Variants in ADAP1 observed in about 807,000 individuals in gnomAD.
ADAP1 encodes ArfGAP with dual PH domains 1.
A neutral mutation model predicts 54.9 loss-of-function variants in ADAP1; 31 were observed. The observed-to-expected ratio is 0.56, with a 90% CI of 0.42 to 0.76. The LOEUF (loss-of-function observed/expected upper bound fraction) is 0.76. Among genes scored for constraint, ADAP1 ranks in the 30% least tolerant of loss-of-function variants. ADAP1 has a pLI of 0.00. For synonymous variants in ADAP1, 313 were observed against 202.6 expected (o/e 1.55, Z -4.63); for missense variants, 535 against 512.4 (o/e 1.04, Z -0.42).
At chr7:905,626 A>AGGAGAAAGGAGAAG (rs1845185682) in intron 4 of ADAP1, 1 of 176,698 alleles carries the variant, frequency 5.7e-6, no homozygotes, top group African/African-American at 2.5e-5. Context: ...AGAAAGGGAA[A>AGGAGAAAGGAGAAG]GGAGAAAGGG....
rs750261057 is a variant in ADAP1, at chr7:899,134, C to T, written c.995G>A (p.Arg332His). ...PHGITIVTPD[R>H]KFLFACETES... ...CGTCTCGCAGGCAAACAGAAACTTG[C>T]GGTCGGGCGTGACGATGGTGATGCC... Residue 332 changes from arginine to histidine, a missense_variant, in exon 10 of 11, where the codon CGC (arginine) becomes CAC (histidine). By Grantham distance (29) the Arg-to-His change is conservative. Coordinates refer to ENST00000265846, the MANE Select transcript of ADAP1 (RefSeq NM_006869.4). 7 of 1,609,896 alleles carry T rather than the reference C, an allele frequency of 4.3e-6. No individual in the cohort carries two copies. The highest frequency in any genetic ancestry group is 1.1e-5 in the South Asian group (1 of 91,096).
chr7:925,129 T>C (rs566451759), intron 3 of ADAP1, among the ~76,000 whole-genome samples: 135 of 152,064 alleles, frequency 8.9e-4, no homozygotes, highest in African/African-American at 3.0e-3. Context: ...AGAAAACGCC[T>C]GCCAAGCACC....
intron 1 of ADAP1, among the ~76,000 whole-genome samples, chr7:947,546 G>C (rs11771403): frequency 1.3e-5 from 2 of 151,924 alleles, no homozygotes; most frequent in South Asian, 4.1e-4. Context: ...CCCCATCTCA[G>C]CGAGTGAGGT....
chr7:910,309 G>A (rs944905869), intron 4 of ADAP1, among the ~76,000 whole-genome samples: 1 of 151,896 alleles, frequency 6.6e-6, no homozygotes. Flanking sequence ...GAGTGCAGGG[G>A]CACTATCACA....
rs1845045855 is a variant in ADAP1 at position 905,150 on chromosome 7, C to G, written c.411G>C (p.Trp137Cys). 1.2e-6 allele frequency: 2 copies of G among 1,612,080 alleles called. No individual in the cohort carries two copies. Among genetic ancestry groups the G allele is most frequent in the Admixed American group, 1.7e-5 (1 of 59,998 alleles). ...ACTGCCCGTTGTCCCGGCCACGCTTCCAGAGAAAACCCTCACGGTACCCTG... is the reference window on the plus strand; with the variant it reads ...ACTGCCCGTTGTCCCGGCCACGCTTGCAGAGAAAACCCTCACGGTACCCTG... ...YSAGYREGFLWKRGRDNGQFL... is the reference protein window; with the variant it reads ...YSAGYREGFLCKRGRDNGQFL... Residue 137 changes from tryptophan to cysteine, a missense_variant, in exon 5 of 11, where the codon TGG (tryptophan) becomes TGC (cysteine). Physicochemically the swap from Trp to Cys is radical, Grantham distance 215 (BLOSUM62 -2). Coordinates refer to ENST00000265846, the MANE Select transcript of ADAP1 (RefSeq NM_006869.4).
Position 954,439 on chromosome 7 carries a change from C to T in ADAP1, c.39G>A (p.Leu13=). The change falls in exon 1 of 11, where the codon CTG becomes CTA. Residue 13 remains leucine (L), a synonymous_variant. Coordinates refer to ENST00000265846, the MANE Select transcript of ADAP1 (RefSeq NM_006869.4). ...KERRRAVLEL[L]QRPGNARCAD... ...CGCAGCGCGCGTTCCCCGGCCGCTG[C>T]AGCAGCTCCAGGACCGCCCTGCGCC... The T allele has an allele frequency of 1.8e-6, 2 of 1,136,912 alleles. No homozygotes were observed. The highest frequency in any genetic ancestry group is 2.2e-6 in the Non-Finnish European group (2 of 915,596). The allele number at this position is 1,136,912 out of a possible 1,614,324, so 70.4% of individuals were successfully genotyped here. A position where few individuals can be genotyped will look rare whatever the true frequency, so the allele number is the denominator to read the frequency against.
At chr7:917,014 G>A (rs1228388845) in intron 4 of ADAP1, among the ~76,000 whole-genome samples, 4 of 51,354 alleles carry the variant, frequency 7.8e-5, no homozygotes, top group Non-Finnish European at 1.2e-4. Context: ...CCGGGGAGGT[G>A]CACGGGAGGG....
intron 7 of ADAP1, 60 bp downstream of exon 7, chr7:900,473 T>TGCCCCCCC: frequency 2.7e-6 from 4 of 1,486,584 alleles, no homozygotes; most frequent in Non-Finnish European, 2.8e-6. Flanking sequence ...GAGGGCTCCG[T>TGCCCCCCC]CCACCCCCCA....
chr7:955,061 G>A (rs751151323), upstream of ADAP1, among the ~76,000 whole-genome samples: 24 of 152,154 alleles, frequency 1.6e-4, no homozygotes, highest in Admixed American at 6.5e-4. Flanking sequence ...GGACCAGGGC[G>A]CTCACACCAT....
At position 898,291 on chromosome 7, in the gene ADAP1, G is replaced by A. The variant is rs758039573; in HGVS notation, c.*630C>T. ...ACTGTCGGCGAGCACCGTGCTGGGC[G>A]CAGAGGCCACGTGTGGTGGGACGGC... On this transcript the variant is annotated 3_prime_UTR_variant, in exon 11 of 11. Coordinates refer to ENST00000265846, the MANE Select transcript of ADAP1 (RefSeq NM_006869.4). The A allele has an allele frequency of 3.3e-4, 53 of 159,446 alleles. No individual in the cohort carries two copies. The highest frequency in any genetic ancestry group is 6.2e-4 in the Non-Finnish European group (45 of 72,228). 9.9% of individuals were successfully genotyped at this position (159,446 alleles called of 1,614,324 possible).
At chr7:940,036 C>T (rs918622719) in intron 1 of ADAP1, among the ~76,000 whole-genome samples, 4 of 152,202 alleles carry the variant, frequency 2.6e-5, no homozygotes, top group South Asian at 2.1e-4. Flanking sequence ...CAAGGTCCCC[C>T]GGTGTAAAGT....
At chr7:944,027 C>T (rs992900130) in intron 1 of ADAP1, among the ~76,000 whole-genome samples, 12 of 151,596 alleles carry the variant, frequency 7.9e-5, no homozygotes, top group South Asian at 2.1e-4. Context: ...GTGATCCTCC[C>T]GCCTCAGCCT....
At chr7:906,527 GAAAGGAGAAAGGAGAAGGGA>G in intron 4 of ADAP1, among the ~76,000 whole-genome samples, 1 of 19,134 alleles carries the variant, frequency 5.2e-5, no homozygotes, top group East Asian at 0.01. Flanking sequence ...AGGAGAAAGG[GAAAGGAGAAAGGAGAAGGGA>G]GAAAGGGAGA....
intron 7 of ADAP1, 36 bp from the exon 8 acceptor site, chr7:900,200 G>A (rs777459089): frequency 6.2e-7 from 1 of 1,611,792 alleles, no homozygotes; most frequent in South Asian, 1.1e-5. Flanking sequence ...GACCTCAGAA[G>A]TGCAGCTCAG....
At chr7:899,662 C>T (rs1251228680) in intron 8 of ADAP1, among the ~76,000 whole-genome samples, 172 bp from the exon 9 acceptor site, 1 of 152,214 alleles carries the variant, frequency 6.6e-6, no homozygotes, top group East Asian at 1.9e-4. Context: ...CGCCTGTCCT[C>T]CAGCCTCCAC....
Position 905,185 on chromosome 7 carries a change from G to T in ADAP1, c.389-13C>A, listed in dbSNP as rs771936620. ...CCCTCACGGTACCCTGTGGGGGAAA[G>T]GGGACACGAGTCGGTGACAGTGGAT... is the stretch of plus-strand genomic sequence containing the variant. On this transcript the variant is annotated splice_polypyrimidine_tract_variant and intron_variant, in intron 4 of 10. Transcript: ENST00000265846. The T allele has an allele frequency of 5.6e-6, 9 of 1,605,698 alleles. No individual in the cohort carries two copies. The African/African-American group carries it at 6.7e-5, about 12-fold the overall frequency.
Position 903,560 on chromosome 7 carries a change from G to A in ADAP1, c.648+566C>T, listed in dbSNP as rs144107869. Among the ~76,000 whole-genome samples the A allele has an allele frequency of 3.9e-4, 60 of 152,278 alleles. No individual in the cohort carries two copies. The East Asian group carries it at 9.5e-3, about 24-fold the overall frequency. On this transcript the variant is annotated intron_variant, in intron 6 of 10. Transcript: ENST00000265846. ...AAGTAACAAAGAGGCTGGGCCCACC[G>A]CTGCGCCCCCTGCAGCCTGGCCCAA...
chr7:953,025 G>A (rs1847306934), intron 1 of ADAP1, among the ~76,000 whole-genome samples: 2 of 152,114 alleles, frequency 1.3e-5, no homozygotes, highest in Admixed American at 1.3e-4. Context: ...CAGGCTGTGT[G>A]GCCAGGGAGC....
Position 898,858 on chromosome 7 carries a change from T to A in ADAP1, c.*63A>T. The A allele has an allele frequency of 6.4e-7, 1 of 1,554,394 alleles. No individual in the cohort carries two copies. The highest frequency in any genetic ancestry group is 8.7e-7 in the Non-Finnish European group (1 of 1,151,748). On this transcript the variant is annotated 3_prime_UTR_variant, in exon 11 of 11. Transcript: ENST00000265846. ...GCCTCAGGACGCCAGAGCCCCCCCA[T>A]CCACGGGTCCCCTCCGTCCAGCCAC...
Sources: allele counts gnomAD v4.1 joint callset (sites outside exome capture counted in the v4.1 genomes callset), GRCh38; gene constraint gnomAD v4.1.1; transcripts MANE v1.5; gene names NCBI Gene and HGNC (gene_info 2026-07-23, HGNC 2026-07-21).